Variants in CCSER1 observed in about 807,000 individuals in gnomAD.
CCSER1 encodes the protein coiled-coil serine rich protein 1, also known as serine-rich coiled-coil domain-containing protein 1.
In CCSER1, 41 loss-of-function variants were observed where a neutral mutation model predicts 82.0. That is an observed-to-expected ratio of 0.50 (90% CI 0.39 to 0.65). CCSER1 has a LOEUF of 0.65. Among genes scored for constraint, CCSER1 ranks in the 30% least tolerant of loss-of-function variants. The probability of loss-of-function intolerance (pLI) is 0.00; values close to 1 mark genes in which losing one functional copy is unlikely to be tolerated. For synonymous variants in CCSER1, 414 were observed against 383.9 expected (o/e 1.08, Z -0.92); for missense variants, 1,119 against 1,064.2 (o/e 1.05, Z -0.72).
chr4:90,717,596 C>T (rs893686813), intron 6 of CCSER1, among the ~76,000 whole-genome samples: 5 of 152,058 alleles, frequency 3.3e-5, no homozygotes, highest in African/African-American at 1.2e-4. Flanking sequence ...GAGAGGAGTG[C>T]CTGTAATTCA....
intron 1 of CCSER1, among the ~76,000 whole-genome samples, chr4:90,136,019 T>A (rs1046980795): frequency 6.6e-6 from 1 of 152,246 alleles, no homozygotes; most frequent in Non-Finnish European, 1.5e-5. Flanking sequence ...TTTCTCTTTT[T>A]CTAGTCACCT....
chr4:90,817,494 A>G (rs995934566), intron 8 of CCSER1, among the ~76,000 whole-genome samples: 7 of 152,000 alleles, frequency 4.6e-5, no homozygotes, highest in African/African-American at 1.4e-4. Context: ...AAAGTCCTAT[A>G]TATTTCTTTT....
chr4:90,815,893 T>A, intron 8 of CCSER1, 48 bp downstream of exon 8: 1 of 1,349,508 alleles, frequency 7.4e-7, no homozygotes, highest in Non-Finnish European at 1.0e-6. Flanking sequence ...ACTTTCAAGG[T>A]TATTTGTTCC....
chr4:90,526,326 T>C (rs1465737977), intron 5 of CCSER1, among the ~76,000 whole-genome samples: 2 of 152,184 alleles, frequency 1.3e-5, no homozygotes, highest in African/African-American at 4.8e-5. Context: ...GTTTGAATCA[T>C]AGCTCTCTCA....
chr4:91,097,002 A>C (rs1475216188), intron 10 of CCSER1, among the ~76,000 whole-genome samples: 1 of 152,218 alleles, frequency 6.6e-6, no homozygotes, highest in Non-Finnish European at 1.5e-5. Context: ...GGAGTGGGCA[A>C]GTTTCAAAGA....
chr4:90,333,885 C>G (rs753431042), intron 3 of CCSER1, among the ~76,000 whole-genome samples: 8 of 152,114 alleles, frequency 5.3e-5, no homozygotes, highest in Non-Finnish European at 8.8e-5. Context: ...AATTACTAGA[C>G]AAAAACATTT....
chr4:91,324,514 A>T (rs962067167), intron 10 of CCSER1, among the ~76,000 whole-genome samples: 33 of 152,280 alleles, frequency 2.2e-4, no homozygotes, highest in African/African-American at 7.9e-4. Context: ...AAGCTTAAAG[A>T]AAAATATTAC....
chr4:90,688,028 TC>T, intron 6 of CCSER1, among the ~76,000 whole-genome samples: 1 of 152,244 alleles, frequency 6.6e-6, no homozygotes, highest in Middle Eastern at 3.4e-3. Context: ...CATAAACATT[TC>T]TTTAAATGCA....
intron 10 of CCSER1, among the ~76,000 whole-genome samples, chr4:91,169,358 C>A (rs113975510): frequency 2.0e-5 from 3 of 152,076 alleles, no homozygotes; most frequent in Non-Finnish European, 4.4e-5. Context: ...TGGTGTCTCA[C>A]GCCTATAATC....
At chr4:91,270,169 G>T (rs1431189481) in intron 10 of CCSER1, among the ~76,000 whole-genome samples, 1 of 152,114 alleles carries the variant, frequency 6.6e-6, no homozygotes. Flanking sequence ...AGTTACTTAA[G>T]AATTTTCTTA....
intron 7 of CCSER1, among the ~76,000 whole-genome samples, chr4:90,731,401 A>T (rs1300435921): frequency 6.6e-6 from 1 of 152,188 alleles, no homozygotes; most frequent in Non-Finnish European, 1.5e-5. Context: ...ATTCAATCCT[A>T]CAAGTAATAC....
intron 9 of CCSER1, among the ~76,000 whole-genome samples, chr4:91,027,980 G>A (rs1021806844): frequency 3.3e-5 from 5 of 151,868 alleles, no homozygotes; most frequent in African/African-American, 9.7e-5. Context: ...ATTATAGTTA[G>A]GACATGGAAA....
intron 10 of CCSER1, among the ~76,000 whole-genome samples, chr4:91,444,663 T>C (rs1299564319): frequency 6.6e-6 from 1 of 152,182 alleles, no homozygotes; most frequent in Non-Finnish European, 1.5e-5. Flanking sequence ...TTGGCCAGGC[T>C]GGTCTCAAAC....
At chr4:90,935,443 A>G (rs1027562496) in intron 9 of CCSER1, among the ~76,000 whole-genome samples, 1 of 152,174 alleles carries the variant, frequency 6.6e-6, no homozygotes, top group African/African-American at 2.4e-5. Context: ...CCAATCTTAC[A>G]GCTTGCATAA....
chr4:90,562,892 T>G (rs1560723701), intron 5 of CCSER1, among the ~76,000 whole-genome samples: 1 of 151,132 alleles, frequency 6.6e-6, no homozygotes, highest in Non-Finnish European at 1.5e-5. Flanking sequence ...TTTTAAAGTT[T>G]GAATGGATAT....
intron 10 of CCSER1, among the ~76,000 whole-genome samples, chr4:91,429,566 A>T (rs1754174943): frequency 6.6e-6 from 1 of 151,334 alleles, no homozygotes; most frequent in Non-Finnish European, 1.5e-5. Flanking sequence ...AGCAAGAGTG[A>T]GAAAGTAAAA....
In CCSER1 at chr4:90,823,906, C is replaced by T. The variant is rs117492297; in HGVS notation, c.2094+8061C>T. Among the ~76,000 whole-genome samples the T allele has an allele frequency of 3.9e-3, 594 of 151,852 alleles. 10 individuals are homozygous for T. The East Asian group carries it at 0.051, about 13-fold the overall frequency. On this transcript the variant is annotated intron_variant, in intron 8 of 10. Coordinates refer to ENST00000509176, the MANE Select transcript of CCSER1 (RefSeq NM_001145065.2). ...TTAAAATTTACTTTTTACTTTTTGACATATAGTTTACACAAAGTTAAATAA... is the reference window on the plus strand; with the variant it reads ...TTAAAATTTACTTTTTACTTTTTGATATATAGTTTACACAAAGTTAAATAA...
intron 10 of CCSER1, among the ~76,000 whole-genome samples, chr4:91,334,230 C>T (rs898691389): frequency 6.6e-6 from 1 of 152,026 alleles, no homozygotes; most frequent in African/African-American, 2.4e-5. Context: ...TACCTCTCTA[C>T]TTATTTCTTA....
intron 6 of CCSER1, among the ~76,000 whole-genome samples, chr4:90,643,368 C>T (rs1420211345): frequency 1.3e-5 from 2 of 152,166 alleles, no homozygotes; most frequent in African/African-American, 4.8e-5. Flanking sequence ...TCATCCTATA[C>T]TACTTCAGAG....
Sources: allele counts gnomAD v4.1 joint callset (sites outside exome capture counted in the v4.1 genomes callset), GRCh38; gene constraint gnomAD v4.1.1; transcripts MANE v1.5; gene names NCBI Gene and HGNC (gene_info 2026-07-23, HGNC 2026-07-21).